PCDHB13: variants seen among roughly 807,000 people sequenced by gnomAD.
The protein encoded by PCDHB13 is protocadherin beta-13.
For missense variants in PCDHB13, 1,065 were observed against 1,016.7 expected, an observed-to-expected ratio of 1.05 and a Z score of -0.65; for synonymous variants, 515 against 450.7, an observed-to-expected ratio of 1.14 and a Z score of -1.81.
Position 141,216,335 on chromosome 5 carries a change from G to T in PCDHB13, c.2212G>T (p.Asp738Tyr), listed in dbSNP as rs782117089. 3.1e-6 allele frequency: 5 copies of T among 1,614,076 alleles called. No homozygotes were observed. The African/African-American group carries it at 5.3e-5, about 17-fold the overall frequency. The change falls in exon 1 of 1, where the codon GAC becomes TAC. Residue 738 changes from aspartate (D) to tyrosine (Y), a missense_variant. Coordinates refer to ENST00000341948, the MANE Select transcript of PCDHB13 (RefSeq NM_018933.4). ...GGGCCCCCTTCCAGGGCATCTTGTG[G>T]ACATGAGCGGCACCAGGACCCTATC... is the stretch of plus-strand genomic sequence containing the variant. ...PEGPLPGHLV[D>Y]MSGTRTLSQS...
chr5:141,214,650 A>G lies in PCDHB13; in HGVS notation c.527A>G (p.Asn176Ser), dbSNP rs370178677. Residue 176 changes from asparagine (N) to serine (S), a missense_variant, in exon 1 of 1, where the codon AAC becomes AGC. Asn to Ser is a conservative substitution (Grantham distance 46, BLOSUM62 1). Coordinates refer to ENST00000341948, the MANE Select transcript of PCDHB13 (RefSeq NM_018933.4). ...ATTGAGAACTATATAATCAGCCCCA[A>G]CTCCTATTTTCGGGTCCTCACCCGC... The part of the protein sequence containing the change: ...NNIENYIISP[N>S]SYFRVLTRKR... The G allele has an allele frequency of 1.5e-5, 25 of 1,613,856 alleles. No individual in the cohort carries two copies. Among genetic ancestry groups the G allele is most frequent in the African/African-American group, 2.7e-5 (2 of 74,830 alleles).
rs782492427 is a variant in PCDHB13, at chr5:141,215,781, A to C, written c.1658A>C (p.Asp553Ala). 1 of 1,611,676 alleles carries C rather than the reference A, an allele frequency of 6.2e-7. No individual in the cohort carries two copies. Among genetic ancestry groups the C allele is most frequent in the Non-Finnish European group, 8.5e-7 (1 of 1,179,692 alleles). ...SEALVRVVVL[D>A]ANDNSPFVLY... is the part of the protein sequence containing the mutation. ...GCGCTGGTGCGCGTGGTGGTGCTGG[A>C]CGCCAACGACAACTCGCCCTTCGTG... is the stretch of plus-strand genomic sequence containing the variant. Residue 553 changes from aspartate (D) to alanine (A), a missense_variant, in exon 1 of 1, where the codon GAC becomes GCC. Physicochemically the swap from Asp to Ala is moderately radical, Grantham distance 126 (BLOSUM62 -2). Coordinates refer to ENST00000341948, the MANE Select transcript of PCDHB13 (RefSeq NM_018933.4).
chr5:141,216,079 C>G lies in PCDHB13; in HGVS notation c.1956C>G (p.Arg652=). 1 of 1,606,370 alleles carries G rather than the reference C, an allele frequency of 6.2e-7. No homozygotes were observed. The highest frequency in any genetic ancestry group is 2.2e-5 in the East Asian group (1 of 44,860). Residue 652 remains arginine (R), a synonymous_variant, in exon 1 of 1, where the codon CGC becomes CGG. Transcript: ENST00000341948. ...TCAAGGACAATGGCGAGCCTCCGCG[C>G]TCGGCCACCGCCACGCTGCACGTGC... The part of the protein sequence containing the change: ...VLVKDNGEPP[R]SATATLHVLL...
Position 141,215,403 on chromosome 5 carries a change from G to C in PCDHB13, c.1280G>C (p.Gly427Ala). 1 of 1,614,104 alleles carries C rather than the reference G, an allele frequency of 6.2e-7. No homozygotes were observed. The highest frequency in any genetic ancestry group is 8.5e-7 in the Non-Finnish European group (1 of 1,180,002). The part of the protein sequence containing the change: ...YNITITVTDL[G>A]TPMLITQLNM... ...ATCACTATCACTGTCACTGACTTGG[G>C]GACCCCTATGCTGATAACACAGCTC... is the stretch of plus-strand genomic sequence containing the variant. The change falls in exon 1 of 1, where the codon GGG becomes GCG. Residue 427 changes from glycine (G) to alanine (A), a missense_variant. Transcript: ENST00000341948.
rs781904891 is a variant in PCDHB13 at position 141,214,118 on chromosome 5, A to C, written c.-6A>C. The C allele has an allele frequency of 3.1e-6, 5 of 1,614,062 alleles. No homozygotes were observed. The Middle Eastern group carries it at 6.6e-4, about 212-fold the overall frequency. On this transcript the variant is annotated 5_prime_UTR_variant, in exon 1 of 1. Transcript: ENST00000341948. ...TCCTCCCAGGAAGCTGAATCCAGCA[A>C]GAACAATGGAGGCCAGCGGGAAGCT...
In PCDHB13 at chr5:141,215,716, G is replaced by C. The variant is rs782776539; in HGVS notation, c.1593G>C (p.Val531=). The C allele has an allele frequency of 1.9e-6, 3 of 1,612,608 alleles. No individual in the cohort carries two copies. Among genetic ancestry groups the C allele is most frequent in the Non-Finnish European group, 2.5e-6 (3 of 1,179,886 alleles). ...CCCTGCAGGGGTTCCAGTTCCGCGT[G>C]GGCGCTTCAGACCACGGCTCCCCGG... ...YEALQGFQFR[V]GASDHGSPAL... is the part of the protein sequence containing the mutation. The change falls in exon 1 of 1, where the codon GTG becomes GTC. Residue 531 remains valine, a synonymous_variant. Coordinates refer to ENST00000341948, the MANE Select transcript of PCDHB13 (RefSeq NM_018933.4).
In PCDHB13 at chr5:141,216,665, G is replaced by T. The variant is rs1554288245; in HGVS notation, c.*145G>T. 1.2e-6 allele frequency: 1 copy of T among 820,470 alleles called. No homozygotes were observed. Among genetic ancestry groups the T allele is most frequent in the Admixed American group, 1.9e-5 (1 of 52,884 alleles). 50.8% of individuals were successfully genotyped at this position (820,470 alleles called of 1,614,324 possible). A position where few individuals can be genotyped will look rare whatever the true frequency, so the allele number is the denominator to read the frequency against. ...GTTCTTTCTCCCTTTGTTTTAAAGT[G>T]AACATTTACCTTTATTCCTGGTTCT... On this transcript the variant is annotated 3_prime_UTR_variant, in exon 1 of 1. Coordinates refer to ENST00000341948, the MANE Select transcript of PCDHB13 (RefSeq NM_018933.4).
chr5:141,215,952 C>T lies in PCDHB13; in HGVS notation c.1829C>T (p.Thr610Met), dbSNP rs1554288061. The T allele has an allele frequency of 1.2e-6, 2 of 1,607,654 alleles. No homozygotes were observed. The highest frequency in any genetic ancestry group is 1.7e-5 in the Admixed American group (1 of 59,968). ...CTGTCGTACCAGCTGCTCAAGGCCA[C>T]GGAGCTCGGTCTGTTCGGCGTGTGG... The part of the protein sequence containing the change: ...AWLSYQLLKA[T>M]ELGLFGVWAH... Residue 610 changes from threonine (T) to methionine (M), a missense_variant, in exon 1 of 1, where the codon ACG becomes ATG. Physicochemically the swap from Thr to Met is moderately conservative, Grantham distance 81 (BLOSUM62 -1). Transcript: ENST00000341948.
chr5:141,218,320 C>T lies in PCDHB13; in HGVS notation c.*1800C>T, dbSNP rs1175796511. 1.2e-5 allele frequency: 2 copies of T among 167,010 alleles called. No individual in the cohort carries two copies. The highest frequency in any genetic ancestry group is 4.8e-5 in the African/African-American group (2 of 41,386). 10.3% of individuals were successfully genotyped at this position (167,010 alleles called of 1,614,324 possible). A position where few individuals can be genotyped will look rare whatever the true frequency, so the allele number is the denominator to read the frequency against. ...CTGGGTATTAGTCAGTTGATAATGCCAAGAAGTGCAATCTCTTTTAATAGC... is the reference window on the plus strand; with the variant it reads ...CTGGGTATTAGTCAGTTGATAATGCTAAGAAGTGCAATCTCTTTTAATAGC... On this transcript the variant is annotated 3_prime_UTR_variant, in exon 1 of 1. Transcript: ENST00000341948.
Position 141,214,757 on chromosome 5 carries a change from A to G in PCDHB13, c.634A>G (p.Thr212Ala), listed in dbSNP as rs781849947. ...AGAGGAAGAAGCTGAGCTCAGGTTA[A>G]CACTCACAGCACTGGATGGTGGCTC... ...DREEEAELRL[T>A]LTALDGGSPP... Residue 212 changes from threonine to alanine, a missense_variant, in exon 1 of 1, where the codon ACA (threonine) becomes GCA (alanine). Thr to Ala is a moderately conservative substitution (Grantham distance 58). Transcript: ENST00000341948. The G allele has an allele frequency of 1.2e-5, 20 of 1,614,026 alleles. No homozygotes were observed. The Admixed American group carries it at 3.2e-4, about 26-fold the overall frequency.
At position 141,214,133 on chromosome 5, in the gene PCDHB13, A is replaced by G; in HGVS notation, c.10A>G (p.Ser4Gly). Residue 4 changes from serine to glycine, a missense_variant, in exon 1 of 1, where the codon AGC becomes GGC. Physicochemically the swap from Ser to Gly is moderately conservative, Grantham distance 56. Coordinates refer to ENST00000341948, the MANE Select transcript of PCDHB13 (RefSeq NM_018933.4). ...GAATCCAGCAAGAACAATGGAGGCC[A>G]GCGGGAAGCTCATTTGCAGACAAAG... MEASGKLICRQRQV... is the reference protein window; with the variant it reads MEAGGKLICRQRQV... 6.2e-7 allele frequency: 1 copy of G among 1,614,128 alleles called. No individual in the cohort carries two copies. Among genetic ancestry groups the G allele is most frequent in the Non-Finnish European group, 8.5e-7 (1 of 1,180,022 alleles).
rs782806642 is a variant in PCDHB13, at chr5:141,215,087, G to T, written c.964G>T (p.Ala322Ser). The stretch of plus-strand genomic sequence containing the variant: ...TCAGTCCTATGAAGTCAATATTGAG[G>T]CAAGAGATGCTGGAACCTTTTCTGG... ...KLQSYEVNIE[A>S]RDAGTFSGKC... Residue 322 changes from alanine (A) to serine (S), a missense_variant, in exon 1 of 1, where the codon GCA (alanine) becomes TCA (serine). Transcript: ENST00000341948. The T allele has an allele frequency of 6.2e-7, 1 of 1,614,024 alleles. No individual in the cohort carries two copies. The highest frequency in any genetic ancestry group is 1.7e-5 in the Admixed American group (1 of 60,006).
At position 141,216,300 on chromosome 5, in the gene PCDHB13, T is replaced by C. The variant is rs200754106; in HGVS notation, c.2177T>C (p.Leu726Ser). The change falls in exon 1 of 1, where the codon TTG becomes TCG. Residue 726 changes from leucine to serine, a missense_variant. Physicochemically the swap from Leu to Ser is moderately radical, Grantham distance 145. Transcript: ENST00000341948. Reference protein sequence around the residue: ...RSRAASVGRCLVPEGPLPGHL... With the variant: ...RSRAASVGRCSVPEGPLPGHL... ...AGGGCGGCCTCGGTGGGTCGCTGCT[T>C]GGTGCCCGAGGGCCCCCTTCCAGGG... The C allele has an allele frequency of 8.1e-5, 130 of 1,613,746 alleles. No homozygotes were observed. The highest frequency in any genetic ancestry group is 1.7e-4 in the Middle Eastern group (1 of 6,040).
In PCDHB13 at chr5:141,216,947, A is replaced by C; in HGVS notation, c.*427A>C. On this transcript the variant is annotated 3_prime_UTR_variant, in exon 1 of 1. Coordinates refer to ENST00000341948, the MANE Select transcript of PCDHB13 (RefSeq NM_018933.4). ...AGACATATCATTTTTCTTTTTTGTA[A>C]ATCCAGTGCGTTTTTAGTTAACCTT... The C allele has an allele frequency of 4.0e-6, 1 of 250,636 alleles. No individual in the cohort carries two copies. Among genetic ancestry groups the C allele is most frequent in the Non-Finnish European group, 8.2e-6 (1 of 122,258 alleles). 15.5% of individuals were successfully genotyped at this position (250,636 alleles called of 1,614,324 possible).
Position 141,216,027 on chromosome 5 carries a change from C to A in PCDHB13, c.1904C>A (p.Ala635Glu), listed in dbSNP as rs782557994. 2 of 1,607,022 alleles carry A rather than the reference C, an allele frequency of 1.2e-6. No individual in the cohort carries two copies. The highest frequency in any genetic ancestry group is 4.5e-5 in the East Asian group (2 of 44,858). The stretch of plus-strand genomic sequence containing the variant: ...GCCAGGCTGCTGAGCGAGCGCGACG[C>A]GGCCAAGCACAGGCTGGTGGTGCTG... ...RTARLLSERDAAKHRLVVLVK... is the reference protein window; with the variant it reads ...RTARLLSERDEAKHRLVVLVK... Residue 635 changes from alanine (A) to glutamate (E), a missense_variant, in exon 1 of 1, where the codon GCG becomes GAG. By Grantham distance (107) the Ala-to-Glu change is moderately radical (BLOSUM62 -1). Transcript: ENST00000341948.
At position 141,215,960 on chromosome 5, in the gene PCDHB13, G is replaced by T. The variant is rs781976448; in HGVS notation, c.1837G>T (p.Gly613Cys). ...SYQLLKATEL[G>C]LFGVWAHNGE... ...CCAGCTGCTCAAGGCCACGGAGCTCGGTCTGTTCGGCGTGTGGGCGCACAA... is the reference window on the plus strand; with the variant it reads ...CCAGCTGCTCAAGGCCACGGAGCTCTGTCTGTTCGGCGTGTGGGCGCACAA... The change falls in exon 1 of 1, where the codon GGT becomes TGT. Residue 613 changes from glycine (G) to cysteine (C), a missense_variant. Transcript: ENST00000341948. The T allele has an allele frequency of 4.4e-6, 7 of 1,607,596 alleles. 1 individual carries two copies. The highest frequency in any genetic ancestry group is 5.9e-6 in the Non-Finnish European group (7 of 1,179,530).
At position 141,214,033 on chromosome 5, in the gene PCDHB13, A is replaced by C; in HGVS notation, c.-91A>C. On this transcript the variant is annotated 5_prime_UTR_variant, in exon 1 of 1. Transcript: ENST00000341948. Reference sequence around the variant, plus strand: ...AGGACTACTCACTGGCATATTTCTGAGGTATCTGTAGAATAACCACAGCCT... The same window carrying C: ...AGGACTACTCACTGGCATATTTCTGCGGTATCTGTAGAATAACCACAGCCT... 1 of 1,525,042 alleles carries C rather than the reference A, an allele frequency of 6.6e-7. No individual in the cohort carries two copies. The highest frequency in any genetic ancestry group is 2.3e-5 in the East Asian group (1 of 44,222). 94.5% of individuals were successfully genotyped at this position (1,525,042 alleles called of 1,614,324 possible).
Position 141,217,841 on chromosome 5 carries a change from G to A in PCDHB13, c.*1321G>A, listed in dbSNP as rs1361393832. 1 of 167,054 alleles carries A rather than the reference G, an allele frequency of 6.0e-6. No individual in the cohort carries two copies. The highest frequency in any genetic ancestry group is 2.4e-5 in the African/African-American group (1 of 41,396). 10.3% of individuals were successfully genotyped at this position (167,054 alleles called of 1,614,324 possible). On this transcript the variant is annotated 3_prime_UTR_variant, in exon 1 of 1. Coordinates refer to ENST00000341948, the MANE Select transcript of PCDHB13 (RefSeq NM_018933.4). The stretch of plus-strand genomic sequence containing the variant: ...AAGTATAGAGGCAAAACAAGCATGT[G>A]TATGAGAGAGAGAGAGAAAGCATGG...
In PCDHB13 at chr5:141,215,419, AAC is replaced by A. The variant is rs1754570888; in HGVS notation, c.1300_1301del (p.Gln434AlafsTer12). The A allele has an allele frequency of 2.5e-6, 4 of 1,614,176 alleles. No homozygotes were observed. The highest frequency in any genetic ancestry group is 2.2e-5 in the South Asian group (2 of 91,080). On this transcript the variant is annotated frameshift_variant, in exon 1 of 1. Transcript: ENST00000341948. LOFTEE classifies it low-confidence loss of function (END_TRUNC). ...VTDLGTPMLI[T>X]QLNMTVLIAD... ...CTGACTTGGGGACCCCTATGCTGAT[AAC>A]ACAGCTCAATATGACCGTGCTGATC...
Sources: allele counts gnomAD v4.1 joint callset, GRCh38; gene constraint gnomAD v4.1.1; transcripts MANE v1.5; gene names NCBI Gene and HGNC (gene_info 2026-07-23, HGNC 2026-07-21).